Variants in CDH13 observed in about 807,000 individuals in gnomAD.
CDH13 encodes the protein cadherin-13.
Under a neutral mutation model 63.8 loss-of-function variants are expected in CDH13, and 24 were observed. The ratio of observed to expected loss-of-function variants is 0.38; its 90% CI spans 0.27 to 0.53. CDH13 has a LOEUF of 0.53. Among genes scored for constraint, CDH13 ranks in the 20% least tolerant of loss-of-function variants. CDH13 has a pLI of 0.85. For missense variants in CDH13, 1,049 were observed against 903.1 expected, an observed-to-expected ratio of 1.16 and a Z score of -2.07; for synonymous variants, 503 against 355.3, an observed-to-expected ratio of 1.42 and a Z score of -4.67.
intron 6 of CDH13, among the ~76,000 whole-genome samples, chr16:83,357,152 T>C (rs1448018350): frequency 2.0e-5 from 3 of 152,168 alleles, no homozygotes; most frequent in Non-Finnish European, 4.4e-5. Context: ...CTCGCTGGCC[T>C]GTTTCCCTGG....
chr16:83,115,154 G>A (rs540759268), intron 3 of CDH13, among the ~76,000 whole-genome samples: 7 of 152,306 alleles, frequency 4.6e-5, no homozygotes, highest in African/African-American at 1.4e-4. Context: ...GCAACCCTGG[G>A]GAGGTTTATA....
In CDH13 at chr16:83,545,060, C is replaced by T. The variant is rs112760587; in HGVS notation, c.961-57394C>T. 5.9e-5 allele frequency among the ~76,000 whole-genome samples: 9 copies of T among 152,324 alleles called. 1 individual carries two copies. The highest frequency in any genetic ancestry group is 2.2e-4 in the African/African-American group (9 of 41,590). On this transcript the variant is annotated intron_variant, in intron 7 of 13. Transcript: ENST00000567109. Reference sequence around the variant, plus strand: ...ATGATGAAGCTTTTATTCTGTTCATCTCCTTCAGGGAGTACTTAAAAATAA... The same window carrying T: ...ATGATGAAGCTTTTATTCTGTTCATTTCCTTCAGGGAGTACTTAAAAATAA...
At chr16:82,713,126 T>G (rs1315566159) in intron 1 of CDH13, among the ~76,000 whole-genome samples, 7 of 151,932 alleles carry the variant, frequency 4.6e-5, no homozygotes, top group Non-Finnish European at 7.4e-5. Flanking sequence ...CCTGAGGGAA[T>G]AGCAACTCGA....
intron 3 of CDH13, among the ~76,000 whole-genome samples, chr16:83,105,509 C>G (rs560658046): frequency 1.3e-5 from 2 of 152,280 alleles, no homozygotes; most frequent in Non-Finnish European, 2.9e-5. Context: ...GAGTAAATGC[C>G]TCAGGTGTTA....
At chr16:82,774,840 C>A (rs1001414597) in intron 1 of CDH13, among the ~76,000 whole-genome samples, 2 of 152,216 alleles carry the variant, frequency 1.3e-5, no homozygotes, top group Non-Finnish European at 2.9e-5. Context: ...GGTGGGGCAG[C>A]ATGGTGGGCT....
chr16:83,118,602 T>C (rs2035420815), intron 3 of CDH13, among the ~76,000 whole-genome samples: 1 of 152,172 alleles, frequency 6.6e-6, no homozygotes, highest in African/African-American at 2.4e-5. Context: ...ATTTTCTCAC[T>C]TCCTCCGTCC....
At chr16:83,262,581 T>C (rs1907122330) in intron 5 of CDH13, among the ~76,000 whole-genome samples, 2 of 152,210 alleles carry the variant, frequency 1.3e-5, no homozygotes, top group Admixed American at 1.3e-4. Context: ...CTAGAGAATG[T>C]TCTCATTGGA....
At chr16:82,677,014 G>T (rs1489742439) in intron 1 of CDH13, among the ~76,000 whole-genome samples, 1 of 152,130 alleles carries the variant, frequency 6.6e-6, no homozygotes, top group Non-Finnish European at 1.5e-5. Flanking sequence ...CTCTCAAGTA[G>T]CTGGGACTAC....
rs1260267504 is a variant in CDH13 at position 83,302,776 on chromosome 16, C to T, written c.637-42086C>T. 2.0e-5 allele frequency among the ~76,000 whole-genome samples: 3 copies of T among 152,116 alleles called. No homozygotes were observed. The East Asian group carries it at 5.8e-4, about 29-fold the overall frequency. On this transcript the variant is annotated intron_variant, in intron 5 of 13. Coordinates refer to ENST00000567109, the MANE Select transcript of CDH13 (RefSeq NM_001257.5). ...AGGCAAGGAGGGACACCAAGCCCAG[C>T]CACAATAAGAGTGGGAATGTCAGAG...
chr16:83,378,670 C>T (rs1308722961), intron 6 of CDH13, among the ~76,000 whole-genome samples: 1 of 152,086 alleles, frequency 6.6e-6, no homozygotes, highest in South Asian at 2.1e-4. Context: ...TGACCTTAGG[C>T]AAGATACTTG....
chr16:83,124,042 C>A (rs1296740653), intron 3 of CDH13, among the ~76,000 whole-genome samples: 2 of 152,004 alleles, frequency 1.3e-5, no homozygotes, highest in African/African-American at 4.8e-5. Context: ...GCCCCACTTT[C>A]TTTTGTTTGT....
intron 2 of CDH13, among the ~76,000 whole-genome samples, chr16:83,019,681 A>T (rs560327433): frequency 1.3e-5 from 2 of 151,270 alleles, no homozygotes; most frequent in Non-Finnish European, 2.9e-5. Flanking sequence ...TGTTTTGTAG[A>T]TATGGAGTCT....
At chr16:83,769,777 C>G (rs707235) in intron 11 of CDH13, among the ~76,000 whole-genome samples, 1 of 151,924 alleles carries the variant, frequency 6.6e-6, no homozygotes, top group Non-Finnish European at 1.5e-5. Context: ...GAAGAGATCA[C>G]TGGGGCACGT....
chr16:83,760,786 A>G (rs1353861452), intron 11 of CDH13, among the ~76,000 whole-genome samples: 5 of 152,198 alleles, frequency 3.3e-5, no homozygotes, highest in African/African-American at 1.2e-4. Context: ...CCTAACAAAA[A>G]ATGCATGGCT....
At chr16:83,267,595 T>G (rs2088663669) in intron 5 of CDH13, among the ~76,000 whole-genome samples, 1 of 151,798 alleles carries the variant, frequency 6.6e-6, no homozygotes, top group Non-Finnish European at 1.5e-5. Flanking sequence ...CTCAGGAGAG[T>G]GTTTGTTACC....
intron 2 of CDH13, among the ~76,000 whole-genome samples, chr16:82,873,533 T>G (rs1433395907): frequency 6.6e-6 from 1 of 152,190 alleles, no homozygotes; most frequent in East Asian, 1.9e-4. Flanking sequence ...TAGGTTATAT[T>G]GCCTGTCTCT....
chr16:83,074,588 A>G (rs2032685701), intron 3 of CDH13, among the ~76,000 whole-genome samples: 1 of 152,104 alleles, frequency 6.6e-6, no homozygotes, highest in South Asian at 2.1e-4. Flanking sequence ...TGTTTTCCAT[A>G]ATGGCTATAC....
intron 6 of CDH13, among the ~76,000 whole-genome samples, chr16:83,433,332 T>C (rs748070153): frequency 2.6e-5 from 4 of 152,178 alleles, no homozygotes; most frequent in Non-Finnish European, 5.9e-5. Context: ...GCCTTCCCCT[T>C]GAGGCTTGTT....
At chr16:83,584,987 C>T (rs761459505) in intron 7 of CDH13, among the ~76,000 whole-genome samples, 32 of 152,162 alleles carry the variant, frequency 2.1e-4, no homozygotes, top group Non-Finnish European at 3.8e-4. Context: ...GAAAGCTCTG[C>T]CCCAAGATCC....
Sources: gnomAD v4.1 joint callset for allele counts (sites outside exome capture counted in the v4.1 genomes callset) on GRCh38, gnomAD v4.1.1 for gene constraint, MANE v1.5 for transcripts, NCBI Gene and HGNC (gene_info 2026-07-23, HGNC 2026-07-21) for gene names.